The following SUGT1 variants were observed in gnomAD, a reference collection of about 807,000 sequenced individuals.
SUGT1 encodes SGT1 assembly cochaperone of MIS12 kinetochore complex, also known as protein SGT1 homolog.
A neutral mutation model predicts 56.1 loss-of-function variants in SUGT1; 15 were observed. The ratio of observed to expected loss-of-function variants is 0.27; its 90% CI spans 0.18 to 0.41. The LOEUF (loss-of-function observed/expected upper bound fraction) is 0.41, where lower values mean the gene tolerates loss of function less well. SUGT1 is among the 10% of genes least tolerant of loss of function. SUGT1 has a pLI of 1.00. For synonymous variants in SUGT1, 123 were observed against 128.6 expected, an observed-to-expected ratio of 0.96 and a Z score of 0.30; for missense variants, 347 against 382.2, an observed-to-expected ratio of 0.91 and a Z score of 0.77.
chr13:52,665,548 T>C (rs1421654265), intron 8 of SUGT1, 89 bp from the exon 9 acceptor site: 1 of 885,954 alleles, frequency 1.1e-6, no homozygotes, highest in Non-Finnish European at 1.7e-6. Context: ...CAGGTGGGGC[T>C]CTTGTTGTTT....
At chr13:52,677,589 G>A (rs971031722) in intron 11 of SUGT1, among the ~76,000 whole-genome samples, 17 of 152,176 alleles carry the variant, frequency 1.1e-4, no homozygotes, top group Admixed American at 3.9e-4. Context: ...ATAACAGGCA[G>A]CCCCTTAGTA....
intron 10 of SUGT1, among the ~76,000 whole-genome samples, chr13:52,667,381 G>T (rs1332208743): frequency 6.6e-6 from 1 of 152,054 alleles, no homozygotes; most frequent in Non-Finnish European, 1.5e-5. Flanking sequence ...GTCTTGCTTT[G>T]TTGCCCAGGC....
intron 12 of SUGT1, among the ~76,000 whole-genome samples, chr13:52,681,921 A>C (rs201303204): frequency 2.5e-4 from 1 of 4,074 alleles, no homozygotes; most frequent in Non-Finnish European, 4.7e-4. Flanking sequence ...TGGCCATACT[A>C]ACCCCACCCC....
intron 12 of SUGT1, among the ~76,000 whole-genome samples, chr13:52,684,159 C>G (rs976856165): frequency 2.0e-5 from 3 of 152,126 alleles, no homozygotes; most frequent in Admixed American, 2.0e-4. Context: ...CCTTGGCCTC[C>G]CAAAGTGCTA....
chr13:52,661,592 CA>C, intron 5 of SUGT1: 1 of 415,048 alleles, frequency 2.4e-6, no homozygotes, highest in Non-Finnish European at 4.8e-6. Context: ...CATGCCCGGC[CA>C]AAATCTGGGA....
chr13:52,683,790 C>T (rs939744037), intron 12 of SUGT1, among the ~76,000 whole-genome samples: 1 of 152,132 alleles, frequency 6.6e-6, no homozygotes, highest in Non-Finnish European at 1.5e-5. Context: ...TTCCAATTAT[C>T]TATTTCATAT....
chr13:52,672,421 A>G (rs1364362162), intron 10 of SUGT1, among the ~76,000 whole-genome samples: 2 of 152,176 alleles, frequency 1.3e-5, no homozygotes, highest in Non-Finnish European at 2.9e-5. Context: ...AAGTTTGGAG[A>G]AGACCTTCAA....
Position 52,699,857 on chromosome 13 carries a change from T to G in SUGT1, c.*12022T>G, listed in dbSNP as rs1157094251. 1.3e-5 allele frequency: 2 copies of G among 152,188 alleles called. No homozygotes were observed. The allele number at this position is 152,188 out of a possible 1,614,324, so 9.4% of individuals were successfully genotyped here. A position where few individuals can be genotyped will look rare whatever the true frequency, so the allele number is the denominator to read the frequency against. On this transcript the variant is annotated 3_prime_UTR_variant, in exon 13 of 13. Transcript: ENST00000310528. ...TTTAAAAAAGTAATTTCAAGTAAGT[T>G]TGCAAATGCAATGCTAGTAAAAAGT...
Position 52,697,465 on chromosome 13 carries a change from C to T in SUGT1, c.*9630C>T, listed in dbSNP as rs1488199056. ...AGCCAGGAGTGGAATTAGGTTTGAG[C>T]ATATGTAGCAATATGGAAACAAAGA... On this transcript the variant is annotated 3_prime_UTR_variant, in exon 13 of 13. Transcript: ENST00000310528. 6 of 152,230 alleles carry T rather than the reference C, an allele frequency of 3.9e-5. No individual in the cohort carries two copies. Among genetic ancestry groups the T allele is most frequent in the African/African-American group, 1.4e-4 (6 of 41,524 alleles). The allele number at this position is 152,230 out of a possible 1,614,324, so 9.4% of individuals were successfully genotyped here.
At chr13:52,670,278 T>G (rs1420150731) in intron 10 of SUGT1, among the ~76,000 whole-genome samples, 1 of 152,198 alleles carries the variant, frequency 6.6e-6, no homozygotes, top group Non-Finnish European at 1.5e-5. Flanking sequence ...TCCAATATGT[T>G]TTTCCAAGCC....
intron 12 of SUGT1, among the ~76,000 whole-genome samples, chr13:52,681,598 TCCC>T (rs1963376555): frequency 6.6e-6 from 1 of 152,044 alleles, no homozygotes; most frequent in Non-Finnish European, 1.5e-5. Context: ...GAACCTTTAA[TCCC>T]AGTGCTTTGG....
chr13:52,666,915 C>G lies in SUGT1; in HGVS notation c.623C>G (p.Thr208Arg). 2 of 1,606,952 alleles carry G rather than the reference C, an allele frequency of 1.2e-6. No individual in the cohort carries two copies. Among genetic ancestry groups the G allele is most frequent in the Non-Finnish European group, 8.5e-7 (1 of 1,175,642 alleles). ...CAGAGCACGTTTAAAGTACTTTCAA[C>G]AAAGGTAAGACCATTGAAAAGTTTG... ...PEQSTFKVLS[T>R]KIEIKLKKPE... Residue 208 changes from threonine to arginine, a missense_variant, in exon 10 of 13, where the codon ACA becomes AGA. Physicochemically the swap from Thr to Arg is moderately conservative, Grantham distance 71. Coordinates refer to ENST00000310528, the MANE Select transcript of SUGT1 (RefSeq NM_006704.5).
intron 12 of SUGT1, among the ~76,000 whole-genome samples, chr13:52,681,253 A>C (rs1008817378): frequency 2.9e-5 from 4 of 138,284 alleles, no homozygotes; most frequent in Non-Finnish European, 6.2e-5. Flanking sequence ...CTATCTCTAC[A>C]AAAAAAAAAA....
chr13:52,659,457 C>T (rs7329300), intron 5 of SUGT1, among the ~76,000 whole-genome samples: 152,107 of 152,212 alleles, frequency 1, 76,001 homozygotes, highest in Middle Eastern at 1. Flanking sequence ...AGATGAACTT[C>T]ACCATTAGAA....
At chr13:52,685,430 G>A (rs1185759984) in intron 12 of SUGT1, among the ~76,000 whole-genome samples, 1 of 151,758 alleles carries the variant, frequency 6.6e-6, no homozygotes, top group Non-Finnish European at 1.5e-5. Context: ...TTCATATGTA[G>A]CATCTAGGGT....
chr13:52,667,501 C>T lies in SUGT1; in HGVS notation c.627+582C>T, dbSNP rs539497211. Among the ~76,000 whole-genome samples, 8 of 152,182 alleles carry T rather than the reference C, an allele frequency of 5.3e-5. No homozygotes were observed. The East Asian group carries it at 7.7e-4, about 15-fold the overall frequency. On this transcript the variant is annotated intron_variant, in intron 10 of 12. Transcript: ENST00000310528. ...CTGGGACTACAGGCATGCACCACCACGCCCTGCTTAATTTTTGTATTTTTA... is the reference window on the plus strand; with the variant it reads ...CTGGGACTACAGGCATGCACCACCATGCCCTGCTTAATTTTTGTATTTTTA...
rs1413170923 is a variant in SUGT1, at chr13:52,699,773, T to G, written c.*11938T>G. The G allele has an allele frequency of 6.6e-6, 1 of 152,182 alleles. No homozygotes were observed. The highest frequency in any genetic ancestry group is 1.5e-5 in the Non-Finnish European group (1 of 68,018). The allele number at this position is 152,182 out of a possible 1,614,324, so 9.4% of individuals were successfully genotyped here. A position where few individuals can be genotyped will look rare whatever the true frequency, so the allele number is the denominator to read the frequency against. On this transcript the variant is annotated 3_prime_UTR_variant, in exon 13 of 13. Coordinates refer to ENST00000310528, the MANE Select transcript of SUGT1 (RefSeq NM_006704.5). ...TATAGGCAGCTGAAAAGAAAATTCTTAGCAATTCATACCTTAGAAGGAACC... is the reference window on the plus strand; with the variant it reads ...TATAGGCAGCTGAAAAGAAAATTCTGAGCAATTCATACCTTAGAAGGAACC...
At chr13:52,661,368 T>G (rs1322100556) in intron 5 of SUGT1, 1 of 175,598 alleles carries the variant, frequency 5.7e-6, no homozygotes, top group African/African-American at 2.4e-5. Context: ...CAGGCCATAG[T>G]GCAGTTCTCT....
At chr13:52,658,696 A>C (rs577194462) in intron 4 of SUGT1, among the ~76,000 whole-genome samples, 49 of 150,356 alleles carry the variant, frequency 3.3e-4, no homozygotes. Flanking sequence ...TGATGATTGA[A>C]GTATTTGCAA....
Sources: allele counts gnomAD v4.1 joint callset (sites outside exome capture counted in the v4.1 genomes callset), GRCh38; gene constraint gnomAD v4.1.1; transcripts MANE v1.5; gene names NCBI Gene and HGNC (gene_info 2026-07-23, HGNC 2026-07-21).